Variants in UBE2T observed in about 807,000 individuals in gnomAD.
The protein encoded by UBE2T is ubiquitin-conjugating enzyme E2 T.
In UBE2T, 15 loss-of-function variants were observed where a neutral mutation model predicts 23.3. That is an observed-to-expected ratio of 0.64 (90% CI 0.43 to 0.99). The LOEUF is 0.99. Among genes scored for constraint, UBE2T ranks in the 50% least tolerant of loss-of-function variants. The pLI is 0.00. For synonymous variants in UBE2T, 67 were observed against 78.4 expected, an observed-to-expected ratio of 0.85 and a Z score of 0.77; for missense variants, 197 against 234.9, an observed-to-expected ratio of 0.84 and a Z score of 1.05.
chr1:202,333,097 A>G lies in UBE2T; in HGVS notation c.385-4T>C. On this transcript the variant is annotated splice_polypyrimidine_tract_variant and splice_region_variant and intron_variant, in intron 5 of 6. Coordinates refer to ENST00000646651, the MANE Select transcript of UBE2T (RefSeq NM_014176.4). ...TATTATATTTAAATTCTGAGGACTG[A>G]GATGAAATCAAAGAAAAGAGTTAAT... 1 of 1,613,064 alleles carries G rather than the reference A, an allele frequency of 6.2e-7. No homozygotes were observed. The highest frequency in any genetic ancestry group is 8.5e-7 in the Non-Finnish European group (1 of 1,179,140).
intron 1 of UBE2T, among the ~76,000 whole-genome samples, chr1:202,337,003 G>C (rs528573211): frequency 6.6e-6 from 1 of 152,298 alleles, no homozygotes; most frequent in South Asian, 2.1e-4. Context: ...GAGTGCAGTG[G>C]TGCGATCTCG....
At chr1:202,333,125 A>G (rs779358397) in intron 5 of UBE2T, 32 bp from the exon 6 acceptor site, 1 of 1,608,042 alleles carries the variant, frequency 6.2e-7, no homozygotes, top group Middle Eastern at 1.7e-4. Flanking sequence ...GAGTTAATGG[A>G]GAAAAACATG....
chr1:202,339,333 G>T (rs1654948552), intron 1 of UBE2T, among the ~76,000 whole-genome samples: 2 of 151,398 alleles, frequency 1.3e-5, no homozygotes, highest in Admixed American at 6.6e-5. Context: ...TTTTTAATCT[G>T]TAGTTATCTA....
chr1:202,331,669 G>T lies in UBE2T; in HGVS notation c.*166C>A. On this transcript the variant is annotated 3_prime_UTR_variant, in exon 7 of 7. Coordinates refer to ENST00000646651, the MANE Select transcript of UBE2T (RefSeq NM_014176.4). ...GATAAACACATACTCAACATTAAAT[G>T]ACTATTTATTTTTCAGGTTTAAAAG... is the stretch of plus-strand genomic sequence containing the variant. 1 of 816,492 alleles carries T rather than the reference G, an allele frequency of 1.2e-6. No individual in the cohort carries two copies. Among genetic ancestry groups the T allele is most frequent in the Non-Finnish European group, 1.9e-6 (1 of 532,892 alleles). 50.6% of individuals were successfully genotyped at this position (816,492 alleles called of 1,614,324 possible).
At chr1:202,339,079 T>TC (rs1654944107) in intron 1 of UBE2T, among the ~76,000 whole-genome samples, 1 of 132,378 alleles carries the variant, frequency 7.6e-6, no homozygotes, top group Non-Finnish European at 1.6e-5. Flanking sequence ...ATTGCCTCCT[T>TC]TTTTTTTTTT....
chr1:202,338,161 A>C (rs188634510), intron 1 of UBE2T, among the ~76,000 whole-genome samples: 1 of 152,078 alleles, frequency 6.6e-6, no homozygotes, highest in Non-Finnish European at 1.5e-5. Flanking sequence ...TATTTTTGCT[A>C]TCTTTTCAAA....
intron 1 of UBE2T, among the ~76,000 whole-genome samples, chr1:202,336,589 T>G (rs1441070170): frequency 6.6e-6 from 1 of 152,190 alleles, no homozygotes; most frequent in Non-Finnish European, 1.5e-5. Context: ...AGGCCAGGCC[T>G]GGGTCTGATT....
At position 202,334,936 on chromosome 1, in the gene UBE2T, C is replaced by T. The variant is rs935938298; in HGVS notation, c.179+53G>A. ...TCTATCTACTACATTGCTCTGTCTCCCAATTTATAAATGCACTTCACCATG... is the reference window on the plus strand; with the variant it reads ...TCTATCTACTACATTGCTCTGTCTCTCAATTTATAAATGCACTTCACCATG... On this transcript the variant is annotated intron_variant, in intron 3 of 6. Transcript: ENST00000646651. The T allele has an allele frequency of 1.0e-5, 16 of 1,546,654 alleles. No homozygotes were observed. The Admixed American group carries it at 2.7e-4, about 26-fold the overall frequency.
intron 1 of UBE2T, among the ~76,000 whole-genome samples, chr1:202,340,942 C>T (rs546305590): frequency 2.3e-4 from 35 of 152,288 alleles, no homozygotes; most frequent in African/African-American, 8.2e-4. Flanking sequence ...CCCTTATATC[C>T]CGCCTTATAT....
At position 202,335,389 on chromosome 1, in the gene UBE2T, T is replaced by C. The variant is rs1418293875; in HGVS notation, c.109+257A>G. 1 of 540,768 alleles carries C rather than the reference T, an allele frequency of 1.8e-6. No homozygotes were observed. Among genetic ancestry groups the C allele is most frequent in the East Asian group, 3.0e-5 (1 of 33,444 alleles). The allele number at this position is 540,768 out of a possible 1,614,324, so 33.5% of individuals were successfully genotyped here. ...CATCTGGCCTCACAGATATTTGAGATGGTTATCTTTGATCTAAACACTGCT... is the reference window on the plus strand; with the variant it reads ...CATCTGGCCTCACAGATATTTGAGACGGTTATCTTTGATCTAAACACTGCT... On this transcript the variant is annotated intron_variant, in intron 2 of 6. Coordinates refer to ENST00000646651, the MANE Select transcript of UBE2T (RefSeq NM_014176.4). The surrounding 1 kb of genome is among the most constrained non-coding windows in gnomAD (Gnocchi z 4.0).
intron 3 of UBE2T, among the ~76,000 whole-genome samples, chr1:202,333,988 T>C (rs1654825666): frequency 6.6e-6 from 1 of 152,114 alleles, no homozygotes; most frequent in African/African-American, 2.4e-5. Context: ...TACGTTGCAT[T>C]TGGTTATTAT....
chr1:202,337,812 T>C (rs1654919974), intron 1 of UBE2T, among the ~76,000 whole-genome samples: 2 of 152,228 alleles, frequency 1.3e-5, no homozygotes, highest in South Asian at 2.1e-4. Context: ...TGTTTTACTA[T>C]AGCTTATCCA....
At chr1:202,339,599 CAAAAAAAAAAAA>C (rs56088102) in intron 1 of UBE2T, among the ~76,000 whole-genome samples, 1 of 79,052 alleles carries the variant, frequency 1.3e-5, no homozygotes, top group Non-Finnish European at 2.6e-5. Flanking sequence ...GACTCTGTCT[CAAAAAAAAAAAA>C]AAAAAAAAAA....
At chr1:202,339,579 G>A (rs1267306412) in intron 1 of UBE2T, among the ~76,000 whole-genome samples, 4 of 131,398 alleles carry the variant, frequency 3.0e-5, no homozygotes, top group Non-Finnish European at 6.2e-5. Flanking sequence ...CAGCCTGGGC[G>A]ATAGATTAGG....
chr1:202,333,180 A>G, intron 5 of UBE2T, 57 bp downstream of exon 5: 1 of 1,606,018 alleles, frequency 6.2e-7, no homozygotes, highest in Non-Finnish European at 8.5e-7. Flanking sequence ...ACACAGGGAG[A>G]GTTAGCGGTA....
At chr1:202,333,141 C>T in intron 5 of UBE2T, 48 bp from the exon 6 acceptor site, 1 of 1,604,060 alleles carries the variant, frequency 6.2e-7, no homozygotes, top group South Asian at 1.1e-5. Context: ...ACATGATTTG[C>T]AGTGGTTAGA....
intron 5 of UBE2T, 62 bp downstream of exon 5, chr1:202,333,175 G>C: frequency 1.2e-6 from 2 of 1,605,150 alleles, no homozygotes; most frequent in South Asian, 2.2e-5. Context: ...TCCTCACACA[G>C]GGAGAGTTAG....
intron 1 of UBE2T, among the ~76,000 whole-genome samples, chr1:202,336,992 G>A (rs1295617470): frequency 6.6e-6 from 1 of 152,178 alleles, no homozygotes; most frequent in Non-Finnish European, 1.5e-5. Flanking sequence ...TGCCCAGGCT[G>A]GAGTGCAGTG....
chr1:202,333,344 A>C lies in UBE2T; in HGVS notation c.286-9T>G. 1 of 1,614,090 alleles carries C rather than the reference A, an allele frequency of 6.2e-7. No individual in the cohort carries two copies. Among genetic ancestry groups the C allele is most frequent in the East Asian group, 2.2e-5 (1 of 44,888 alleles). ...GATGGTCTCCAAGCACCCTATATACAAACAGATGAACAGTTGCTTTTATAT... is the reference window on the plus strand; with the variant it reads ...GATGGTCTCCAAGCACCCTATATACCAACAGATGAACAGTTGCTTTTATAT... On this transcript the variant is annotated splice_polypyrimidine_tract_variant and intron_variant, in intron 4 of 6. Transcript: ENST00000646651.
Sources: allele counts gnomAD v4.1 joint callset (sites outside exome capture counted in the v4.1 genomes callset), GRCh38; gene constraint gnomAD v4.1.1; non-coding constraint Gnocchi (gnomAD v3.1); transcripts MANE v1.5; gene names NCBI Gene and HGNC (gene_info 2026-07-23, HGNC 2026-07-21).